KANTR: variants seen among roughly 807,000 people sequenced by gnomAD.
The protein encoded by KANTR is KDM5C adjacent transcript.
chrX:53,126,229 GA>G (rs1372123204), exon 3 of KANTR: 1 of 110,729 alleles, frequency 9.0e-6, no homozygotes, highest in Non-Finnish European at 1.9e-5. Flanking sequence ...GTGGCTCAGT[GA>G]ATTCATGCTT....
At chrX:53,097,350 G>GTGTTTT (rs1556811036) in intron 1 of KANTR, among the ~76,000 whole-genome samples, 2 of 67,978 alleles carry the variant, frequency 2.9e-5, no homozygotes, top group East Asian at 1.2e-3. Flanking sequence ...TTTGTTTTAA[G>GTGTTTT]TTTTTTTTTT....
chrX:53,104,015 C>A (rs1556812299), intron 2 of KANTR, among the ~76,000 whole-genome samples: 1 of 110,785 alleles, frequency 9.0e-6, no homozygotes, highest in Non-Finnish European at 1.9e-5. Flanking sequence ...CATTGAGATG[C>A]ATGTCGCATA....
rs186828499 is a variant in KANTR, at chrX:53,126,550, T to G, written c.*2047T>G. The G allele has an allele frequency of 3.3e-4, 37 of 112,133 alleles. No individual in the cohort carries two copies. The East Asian group carries it at 7.8e-3, about 24-fold the overall frequency. 9.2% of individuals were successfully genotyped at this position (112,133 alleles called of 1,213,427 possible). ...TTTGTACAAACCTCATATATTTTACTTGCTAATCTGCCTAGTCATCCCTAA... is the reference window on the plus strand; with the variant it reads ...TTTGTACAAACCTCATATATTTTACGTGCTAATCTGCCTAGTCATCCCTAA... On this transcript the variant is annotated 3_prime_UTR_variant, in exon 3 of 3. Coordinates refer to ENST00000604062, the Ensembl canonical transcript of KANTR.
chrX:53,094,158 C>G (rs1164301606), exon 1 of KANTR: 3 of 113,345 alleles, frequency 2.6e-5, no homozygotes, highest in African/African-American at 9.6e-5. Flanking sequence ...GGCGTAGGCC[C>G]GTGCCCCTGC....
exon 1 of KANTR, chrX:53,094,183 G>T (rs1291783305): frequency 1.8e-5 from 2 of 113,257 alleles, no homozygotes; most frequent in Non-Finnish European, 3.7e-5. Context: ...GCTGCAGCCC[G>T]TGGAAGGGTT....
chrX:53,102,234 C>T (rs1932900828), intron 2 of KANTR, among the ~76,000 whole-genome samples: 1 of 111,782 alleles, frequency 8.9e-6, no homozygotes, highest in South Asian at 3.7e-4. Context: ...GAGGTATTGC[C>T]TGTACTCTTA....
At chrX:53,115,671 A>G (rs1347858159) in intron 2 of KANTR, among the ~76,000 whole-genome samples, 1 of 113,105 alleles carries the variant, frequency 8.8e-6, no homozygotes. Context: ...GTTGGAGTCC[A>G]AGGGAAAGCC....
chrX:53,108,862 A>G (rs1163950384), intron 2 of KANTR, among the ~76,000 whole-genome samples: 1 of 110,699 alleles, frequency 9.0e-6, no homozygotes, highest in Non-Finnish European at 1.9e-5. Flanking sequence ...CACCACACCC[A>G]GCTGATTTTT....
At chrX:53,112,340 A>G (rs1933054212) in intron 2 of KANTR, among the ~76,000 whole-genome samples, 1 of 112,189 alleles carries the variant, frequency 8.9e-6, no homozygotes. Flanking sequence ...TCCATGGTGT[A>G]TATATTACCA....
chrX:53,103,577 G>A (rs1301494254), intron 2 of KANTR, among the ~76,000 whole-genome samples: 2 of 110,435 alleles, frequency 1.8e-5, no homozygotes, highest in Non-Finnish European at 3.8e-5. Context: ...CCACTTTATC[G>A]GGCACTGCCT....
exon 3 of KANTR, chrX:53,127,372 G>A (rs1933302611): frequency 2.7e-5 from 3 of 112,074 alleles, no homozygotes; most frequent in Non-Finnish European, 5.6e-5. Flanking sequence ...GTTCACTGCT[G>A]TATCCCCAGT....
chrX:53,102,484 G>A (rs1192252364), intron 2 of KANTR, among the ~76,000 whole-genome samples: 1 of 112,081 alleles, frequency 8.9e-6, no homozygotes. Flanking sequence ...TTATATTCAA[G>A]TTATGTAATT....
At chrX:53,145,722 C>T (rs991741575), downstream of KANTR, among the ~76,000 whole-genome samples, 3 of 112,237 alleles carry the variant, frequency 2.7e-5, no homozygotes, top group South Asian at 3.7e-4. Flanking sequence ...CCCTGACCCC[C>T]GAGTAGCCTA....
At chrX:53,103,942 A>G (rs1259853797) in intron 2 of KANTR, among the ~76,000 whole-genome samples, 2 of 111,114 alleles carry the variant, frequency 1.8e-5, no homozygotes, top group Non-Finnish European at 3.8e-5. Context: ...CCCTCTCTCT[A>G]CAAGATCATT....
At chrX:53,139,543 G>A (rs1204716463) in intron 2 of KANTR, among the ~76,000 whole-genome samples, 2 of 112,279 alleles carry the variant, frequency 1.8e-5, no homozygotes, top group Non-Finnish European at 3.8e-5. Context: ...GAGAGGTTGG[G>A]TGTAGTGATT....
At chrX:53,138,654 A>C (rs1290568720) in intron 2 of KANTR, among the ~76,000 whole-genome samples, 2 of 108,506 alleles carry the variant, frequency 1.8e-5, no homozygotes, top group Non-Finnish European at 3.8e-5. Flanking sequence ...GCGGTGAGCT[A>C]AGATTGCGCC....
At chrX:53,147,559 C>T (rs1293028656), downstream of KANTR, among the ~76,000 whole-genome samples, 26 of 111,174 alleles carry the variant, frequency 2.3e-4, no homozygotes, top group African/African-American at 6.9e-4. Flanking sequence ...GACAGATCAA[C>T]GAGACAGAAG....
intron 2 of KANTR, among the ~76,000 whole-genome samples, chrX:53,121,609 T>C (rs1933222075): frequency 9.1e-6 from 1 of 110,348 alleles, no homozygotes; most frequent in Non-Finnish European, 1.9e-5. Context: ...GTTTTTTTTT[T>C]TTGTTTGTTT....
At chrX:53,143,385 C>T, downstream of KANTR, 1 of 747,907 alleles carries the variant, frequency 1.3e-6, no homozygotes, top group Non-Finnish European at 2.0e-6. Flanking sequence ...GGTCCAGACG[C>T]AGGATGGCGT....
Sources: allele counts gnomAD v4.1 joint callset (sites outside exome capture counted in the v4.1 genomes callset), GRCh38; gene constraint gnomAD v4.1.1; transcripts MANE v1.5; gene names NCBI Gene and HGNC (gene_info 2026-07-23, HGNC 2026-07-21).